The following FGD4 variants were observed in gnomAD, a reference collection of about 807,000 sequenced individuals.
The protein encoded by FGD4 is FYVE, RhoGEF and PH domain-containing protein 4.
A neutral mutation model predicts 102.0 loss-of-function variants in FGD4; 42 were observed. That is an observed-to-expected ratio of 0.41 (90% CI 0.32 to 0.53). FGD4 has a LOEUF of 0.53. Among genes scored for constraint, FGD4 ranks in the 20% least tolerant of loss-of-function variants. The pLI is 0.21. For synonymous variants in FGD4, 380 were observed against 375.7 expected, an observed-to-expected ratio of 1.01 and a Z score of -0.13; for missense variants, 902 against 1,078.2, an observed-to-expected ratio of 0.84 and a Z score of 2.29.
At chr12:32,448,962 T>C (rs1190863901) in intron 1 of FGD4, among the ~76,000 whole-genome samples, 1 of 152,224 alleles carries the variant, frequency 6.6e-6, no homozygotes, top group Non-Finnish European at 1.5e-5. Flanking sequence ...CTAAATGTTG[T>C]ATTTTTATGT....
chr12:32,509,515 T>A lies in FGD4; in HGVS notation c.167-54622T>A, dbSNP rs117243527. On this transcript the variant is annotated intron_variant, in intron 1 of 16. Transcript: ENST00000534526. The stretch of plus-strand genomic sequence containing the variant: ...ACAGAAATACACAAAATATTCATGC[T>A]TATATCAGCAGAAATTTTCCAAATG... Among the ~76,000 whole-genome samples the A allele has an allele frequency of 4.4e-3, 670 of 152,328 alleles. 3 individuals are homozygous for A. Among genetic ancestry groups the A allele is most frequent in the South Asian group, 0.026 (126 of 4,828 alleles).
At chr12:32,608,191 T>C in intron 8 of FGD4, 96 bp downstream of exon 8, 1 of 1,474,586 alleles carries the variant, frequency 6.8e-7, no homozygotes, top group Non-Finnish European at 9.4e-7. Flanking sequence ...ACAGCTACTT[T>C]AGTCAAATGT....
chr12:32,493,783 G>A (rs1944190914), intron 1 of FGD4, among the ~76,000 whole-genome samples: 1 of 152,138 alleles, frequency 6.6e-6, no homozygotes, highest in Admixed American at 6.5e-5. Flanking sequence ...AAAAAGAAAC[G>A]TTCAATATAA....
chr12:32,589,543 A>G lies in FGD4; in HGVS notation c.1011+7076A>G, dbSNP rs183203022. Among the ~76,000 whole-genome samples the G allele has an allele frequency of 2.6e-5, 4 of 152,360 alleles. No homozygotes were observed. In the East Asian group the frequency reaches 7.7e-4, roughly 29 times the overall value. ...TAATTCAGTTATTTAATGTGTATAC[A>G]TATTCAGTTTTTCTTGGTGCCTGTT... is the stretch of plus-strand genomic sequence containing the variant. On this transcript the variant is annotated intron_variant, in intron 4 of 16. Coordinates refer to ENST00000534526, the MANE Select transcript of FGD4 (RefSeq NM_001370298.3).
At position 32,422,288 on chromosome 12, in the gene FGD4, CTTTTTTTTTTT is replaced by C. The variant is rs770560590; in HGVS notation, c.166+22347_166+22357del. On this transcript the variant is annotated intron_variant, in intron 1 of 16. Transcript: ENST00000534526. ...TTGAAGCATCTCAAATTGGGAGCTG[CTTTTTTTTTTT>C]TTTTTTTTTTTTTTTTTGAGACAGA... 1.1e-3 allele frequency among the ~76,000 whole-genome samples: 59 copies of C among 54,174 alleles called. 1 individual carries two copies. Among genetic ancestry groups the C allele is most frequent in the Non-Finnish European group, 1.7e-3 (52 of 30,242 alleles). 35.5% of individuals were successfully genotyped at this position (54,174 alleles called of 152,430 possible). A position where few individuals can be genotyped will look rare whatever the true frequency, so the allele number is the denominator to read the frequency against.
chr12:32,571,454 CA>C (rs567887606), intron 2 of FGD4, among the ~76,000 whole-genome samples: 146 of 117,848 alleles, frequency 1.2e-3, no homozygotes, highest in Non-Finnish European at 1.2e-3. Context: ...GATTCTGTCT[CA>C]AAAAAAAAAA....
At chr12:32,593,346 A>C (rs1947633302) in intron 4 of FGD4, among the ~76,000 whole-genome samples, 1 of 152,198 alleles carries the variant, frequency 6.6e-6, no homozygotes, top group Non-Finnish European at 1.5e-5. Flanking sequence ...CTCCATCCCA[A>C]AATCCCTAGT....
intron 8 of FGD4, among the ~76,000 whole-genome samples, chr12:32,610,142 G>A (rs535799070): frequency 6.6e-6 from 1 of 152,292 alleles, no homozygotes; most frequent in Non-Finnish European, 1.5e-5. Context: ...AAATATTTTA[G>A]AACTTTTGAG....
intron 1 of FGD4, among the ~76,000 whole-genome samples, chr12:32,438,906 C>T (rs1198956896): frequency 6.6e-6 from 1 of 152,108 alleles, no homozygotes; most frequent in Non-Finnish European, 1.5e-5. Flanking sequence ...CTGCGCCCGG[C>T]CCTACAACAT....
At chr12:32,410,288 A>G (rs376145503) in intron 1 of FGD4, among the ~76,000 whole-genome samples, 4 of 151,906 alleles carry the variant, frequency 2.6e-5, no homozygotes, top group African/African-American at 9.7e-5. Context: ...AGATTGTGCC[A>G]CTGCACTCCA....
At chr12:32,408,427 A>G (rs1249110614) in intron 1 of FGD4, among the ~76,000 whole-genome samples, 1 of 152,126 alleles carries the variant, frequency 6.6e-6, no homozygotes, top group African/African-American at 2.4e-5. Flanking sequence ...ACGGCCTCAC[A>G]TAGTGCTGGG....
At chr12:32,476,087 A>G (rs905785094) in intron 1 of FGD4, among the ~76,000 whole-genome samples, 1 of 152,044 alleles carries the variant, frequency 6.6e-6, no homozygotes, top group African/African-American at 2.4e-5. Context: ...TCTGTTCTCC[A>G]TGTTACTGTA....
At chr12:32,560,138 C>T (rs528754762) in intron 1 of FGD4, among the ~76,000 whole-genome samples, 1 of 152,298 alleles carries the variant, frequency 6.6e-6, no homozygotes, top group South Asian at 2.1e-4. Context: ...CAAGTGGTTG[C>T]ATGATGTGTT....
intron 1 of FGD4, among the ~76,000 whole-genome samples, chr12:32,562,330 C>T (rs541514015): frequency 6.6e-6 from 1 of 152,312 alleles, no homozygotes; most frequent in East Asian, 1.9e-4. Flanking sequence ...TTGTCAAGGC[C>T]AGCCCATGTG....
At chr12:32,485,666 G>T (rs940342645) in intron 1 of FGD4, among the ~76,000 whole-genome samples, 3 of 151,778 alleles carry the variant, frequency 2.0e-5, no homozygotes, top group African/African-American at 7.3e-5. Context: ...GGATGGTCTC[G>T]ATTTCTTGAC....
chr12:32,583,926 A>C (rs1057020610), intron 4 of FGD4, among the ~76,000 whole-genome samples: 10 of 152,260 alleles, frequency 6.6e-5, no homozygotes, highest in African/African-American at 2.4e-4. Flanking sequence ...TGATGCCTCC[A>C]ACAAGTATAT....
chr12:32,404,893 T>A (rs1331539746), intron 1 of FGD4, among the ~76,000 whole-genome samples: 1 of 152,158 alleles, frequency 6.6e-6, no homozygotes, highest in Non-Finnish European at 1.5e-5. Flanking sequence ...GAAAAGTTTC[T>A]TATAAGAATT....
intron 1 of FGD4, among the ~76,000 whole-genome samples, chr12:32,524,708 T>C (rs796376066): frequency 4.4e-4 from 67 of 151,888 alleles, no homozygotes; most frequent in African/African-American, 1.6e-3. Context: ...GCCTGTAGTC[T>C]CAGCTACTTA....
intron 1 of FGD4, among the ~76,000 whole-genome samples, chr12:32,414,539 T>C (rs1309382302): frequency 6.6e-6 from 1 of 152,172 alleles, no homozygotes; most frequent in Non-Finnish European, 1.5e-5. Context: ...TCTTTCTATT[T>C]TTTTTTGTAC....
Sources: gnomAD v4.1 joint callset for allele counts (sites outside exome capture counted in the v4.1 genomes callset) on GRCh38, gnomAD v4.1.1 for gene constraint, MANE v1.5 for transcripts, NCBI Gene and HGNC (gene_info 2026-07-23, HGNC 2026-07-21) for gene names.